LYPD6: variants seen among roughly 807,000 people sequenced by gnomAD.
LYPD6 encodes ly6/PLAUR domain-containing protein 6.
Under a neutral mutation model 22.7 loss-of-function variants are expected in LYPD6, and 15 were observed. That is an observed-to-expected ratio of 0.66 (90% CI 0.44 to 1.02). LYPD6 has a LOEUF of 1.02. Ranked by LOEUF, LYPD6 falls within the 50% of genes least tolerant of loss-of-function variation. The probability of loss-of-function intolerance (pLI) is 0.00; values close to 1 mark genes in which losing one functional copy is unlikely to be tolerated. For synonymous variants in LYPD6, 72 were observed against 77.5 expected, an observed-to-expected ratio of 0.93 and a Z score of 0.37; for missense variants, 189 against 208.4, an observed-to-expected ratio of 0.91 and a Z score of 0.57.
intron 1 of LYPD6, among the ~76,000 whole-genome samples, chr2:149,397,309 C>T (rs1297250092): frequency 6.6e-6 from 1 of 152,160 alleles, no homozygotes; most frequent in African/African-American, 2.4e-5. Flanking sequence ...CTGGGAGTCC[C>T]AGATGGCTTT....
intron 1 of LYPD6, among the ~76,000 whole-genome samples, chr2:149,337,229 T>C (rs62190575): frequency 0.071 from 10,743 of 152,208 alleles, 433 homozygotes; most frequent in East Asian, 0.14. Flanking sequence ...TTGGAATGTT[T>C]TGAATTGAAT....
downstream of LYPD6, among the ~76,000 whole-genome samples, chr2:149,478,362 C>T (rs974592036): frequency 6.9e-6 from 1 of 144,090 alleles, no homozygotes; most frequent in Non-Finnish European, 1.5e-5. Flanking sequence ...GGGAATTCAC[C>T]CTTTGGTATA....
chr2:149,417,044 G>A (rs188093099), intron 1 of LYPD6, among the ~76,000 whole-genome samples: 3 of 152,260 alleles, frequency 2.0e-5, no homozygotes. Context: ...GCTGGCTGGG[G>A]CTCTGCTGGG....
At chr2:149,373,905 A>C (rs1681863801) in intron 1 of LYPD6, among the ~76,000 whole-genome samples, 1 of 152,204 alleles carries the variant, frequency 6.6e-6, no homozygotes, top group Non-Finnish European at 1.5e-5. Flanking sequence ...AAGACATTGA[A>C]GATAGAAAGT....
intron 1 of LYPD6, among the ~76,000 whole-genome samples, chr2:149,386,734 C>A (rs924265942): frequency 6.6e-6 from 1 of 152,182 alleles, no homozygotes; most frequent in African/African-American, 2.4e-5. Context: ...ATACTGTAAT[C>A]AACACTGGGA....
chr2:149,366,647 G>T (rs1198610810), intron 1 of LYPD6, among the ~76,000 whole-genome samples: 1 of 152,146 alleles, frequency 6.6e-6, no homozygotes, highest in Non-Finnish European at 1.5e-5. Context: ...TCTGTGTGTA[G>T]AATTTTTAAG....
the LYPD6 span, among the ~76,000 whole-genome samples, chr2:149,480,839 A>G: frequency 6.6e-6 from 1 of 152,168 alleles, no homozygotes; most frequent in African/African-American, 2.4e-5. Flanking sequence ...CAGCCCCTAC[A>G]TGCAGTCATG....
rs996297153 is a variant in LYPD6, at chr2:149,472,651, C to T, written c.*1801C>T. On this transcript the variant is annotated 3_prime_UTR_variant, in exon 5 of 5. Transcript: ENST00000334166. ...GAAAGTAGAGGGAGAGAAAGCAAGA[C>T]ATTTATTAAGCACCTCGTATGTGCC... The T allele has an allele frequency of 1.3e-5, 2 of 152,576 alleles. No homozygotes were observed. The highest frequency in any genetic ancestry group is 4.8e-5 in the African/African-American group (2 of 41,442). 9.5% of individuals were successfully genotyped at this position (152,576 alleles called of 1,614,324 possible). A position where few individuals can be genotyped will look rare whatever the true frequency, so the allele number is the denominator to read the frequency against.
At chr2:149,424,085 C>A (rs144185905) in intron 1 of LYPD6, among the ~76,000 whole-genome samples, 2 of 152,038 alleles carry the variant, frequency 1.3e-5, no homozygotes, top group African/African-American at 2.4e-5. Context: ...ACCCCAAATT[C>A]TTTTCTTCTT....
At position 149,407,141 on chromosome 2, in the gene LYPD6, C is replaced by G. The variant is rs190049382; in HGVS notation, c.-71-30497C>G. Among the ~76,000 whole-genome samples the G allele has an allele frequency of 7.9e-5, 12 of 152,306 alleles. No homozygotes were observed. In the East Asian group the frequency reaches 2.1e-3, roughly 27 times the overall value. ...GGGCTTCCCTTTGTGGTTAACCCGA[C>G]CGTTCTCTCTGGCTGCCCTTAACAG... is the stretch of plus-strand genomic sequence containing the variant. On this transcript the variant is annotated intron_variant, in intron 1 of 4. Coordinates refer to ENST00000334166, the MANE Select transcript of LYPD6 (RefSeq NM_194317.5).
chr2:149,468,132 AACACACACACACACACACACAC>A (rs58309346), intron 3 of LYPD6, among the ~76,000 whole-genome samples: 1,715 of 114,716 alleles, frequency 0.015, 60 homozygotes, highest in East Asian at 0.1. Flanking sequence ...GCTTCCCCCC[AACACACACACACACACACACAC>A]ACACACACAC....
At chr2:149,358,227 A>G (rs1681483155) in intron 1 of LYPD6, among the ~76,000 whole-genome samples, 2 of 152,346 alleles carry the variant, frequency 1.3e-5, no homozygotes, top group African/African-American at 4.8e-5. Flanking sequence ...CAAATAATAT[A>G]CTTGCTGTTT....
intron 1 of LYPD6, among the ~76,000 whole-genome samples, chr2:149,392,721 C>T (rs915756152): frequency 7.2e-5 from 11 of 152,278 alleles, no homozygotes; most frequent in African/African-American, 2.6e-4. Context: ...TTATGTATGA[C>T]CCCACTAGAA....
intron 1 of LYPD6, among the ~76,000 whole-genome samples, chr2:149,351,651 G>A (rs1419318943): frequency 2.0e-5 from 3 of 152,066 alleles, no homozygotes; most frequent in Admixed American, 1.3e-4. Flanking sequence ...GCACCTTCAC[G>A]TAAATACAAA....
At chr2:149,361,403 A>G (rs1018618228) in intron 1 of LYPD6, among the ~76,000 whole-genome samples, 11 of 152,194 alleles carry the variant, frequency 7.2e-5, no homozygotes, top group Non-Finnish European at 1.5e-4. Context: ...CTGCTTTTAG[A>G]GCTTCTCCTG....
At chr2:149,429,051 C>T (rs933005037) in intron 1 of LYPD6, among the ~76,000 whole-genome samples, 2 of 152,144 alleles carry the variant, frequency 1.3e-5, no homozygotes, top group African/African-American at 4.8e-5. Flanking sequence ...GTCAGTCCTT[C>T]TGCTTCAGCT....
chr2:149,329,995 T>G (rs957273434), upstream of LYPD6: 19 of 152,166 alleles, frequency 1.2e-4, no homozygotes, highest in African/African-American at 4.6e-4. Flanking sequence ...ACTGCAAACG[T>G]CAAGTGGTCT....
At chr2:149,355,687 G>A (rs568749219) in intron 1 of LYPD6, among the ~76,000 whole-genome samples, 53 of 152,234 alleles carry the variant, frequency 3.5e-4, no homozygotes, top group Admixed American at 2.6e-3. Flanking sequence ...TGTCATGGAG[G>A]TCTTTATTTC....
intron 1 of LYPD6, among the ~76,000 whole-genome samples, chr2:149,424,391 G>C (rs1301136854): frequency 6.6e-6 from 1 of 152,266 alleles, no homozygotes; most frequent in East Asian, 1.9e-4. Context: ...TTCGTATCTT[G>C]TCCCTACGGC....
Sources: allele counts gnomAD v4.1 joint callset (sites outside exome capture counted in the v4.1 genomes callset), GRCh38; gene constraint gnomAD v4.1.1; transcripts MANE v1.5; gene names NCBI Gene and HGNC (gene_info 2026-07-23, HGNC 2026-07-21).